Variants in CRELD2 observed in about 807,000 individuals in gnomAD.
The protein encoded by CRELD2 is protein disulfide isomerase CRELD2.
In CRELD2, 33 loss-of-function variants were observed where a neutral mutation model predicts 48.1. That is an observed-to-expected ratio of 0.69 (90% CI 0.52 to 0.92). The LOEUF (loss-of-function observed/expected upper bound fraction) is 0.92, where lower values mean the gene tolerates loss of function less well. Ranked by LOEUF, CRELD2 falls within the 40% of genes least tolerant of loss-of-function variation. The pLI is 0.00. For synonymous variants in CRELD2, 220 were observed against 203.9 expected (o/e 1.08, Z -0.67); for missense variants, 477 against 482.4 (o/e 0.99, Z 0.10).
At chr22:49,919,031 A>ACCGTGGGCCCGGGG (rs1452582088) in intron 1 of CRELD2, 133 bp downstream of exon 1, 30,873 of 853,158 alleles carry the variant, frequency 0.036, 1,280 homozygotes, top group African/African-American at 0.17. Flanking sequence ...TGGATTCGGG[A>ACCGTGGGCCCGGGG]TCCCCCTCAC....
At chr22:49,922,308 C>T in intron 5 of CRELD2, 1 of 1,231,616 alleles carries the variant, frequency 8.1e-7, no homozygotes, top group South Asian at 1.5e-5. Flanking sequence ...CAGGACCGGC[C>T]TCTCCGATTC....
intron 8 of CRELD2, 74 bp downstream of exon 8, chr22:49,924,529 T>G: frequency 1.8e-6 from 2 of 1,130,258 alleles, no homozygotes; most frequent in Non-Finnish European, 2.6e-6. Flanking sequence ...CCCCAGCAGG[T>G]ACTGCCAGGG....
chr22:49,922,591 A>G (rs1392465897), intron 5 of CRELD2, 21 bp from the exon 6 acceptor site: 1 of 1,521,446 alleles, frequency 6.6e-7, no homozygotes, highest in Non-Finnish European at 8.9e-7. Flanking sequence ...GTTTGTACCC[A>G]GGCCCGCCTT....
At chr22:49,924,829 C>T (rs576698398) in intron 8 of CRELD2, 38 of 175,298 alleles carry the variant, frequency 2.2e-4, no homozygotes, top group African/African-American at 8.3e-4. Context: ...GGATGGAACC[C>T]GGTGGAGAAA....
chr22:49,918,945 C>T, intron 1 of CRELD2, 47 bp downstream of exon 1: 1 of 1,337,312 alleles, frequency 7.5e-7, no homozygotes, highest in South Asian at 1.7e-5. Context: ...CCGGGGTCCC[C>T]CTCACCCTGC....
chr22:49,927,473 A>G lies in CRELD2; in HGVS notation c.*166A>G, dbSNP rs1057301500. 4 of 632,686 alleles carry G rather than the reference A, an allele frequency of 6.3e-6. No homozygotes were observed. In the African/African-American group the frequency reaches 7.4e-5, roughly 12 times the overall value. 39.2% of individuals were successfully genotyped at this position (632,686 alleles called of 1,614,324 possible). On this transcript the variant is annotated 3_prime_UTR_variant, in exon 10 of 10. Transcript: ENST00000328268. Reference sequence around the variant, plus strand: ...AGCTGCATTTCTTGGTTGTTCTTAAACAGACTTGTATATTTTGATACAGTT... The same window carrying G: ...AGCTGCATTTCTTGGTTGTTCTTAAGCAGACTTGTATATTTTGATACAGTT...
intron 9 of CRELD2, among the ~76,000 whole-genome samples, chr22:49,926,936 C>T (rs1225387006): frequency 9.3e-6 from 1 of 107,070 alleles, no homozygotes. Context: ...CTCCCCCACC[C>T]TCGGTCCCCT....
At chr22:49,919,355 G>A in intron 2 of CRELD2, 43 bp downstream of exon 2, 1 of 1,572,494 alleles carries the variant, frequency 6.4e-7, no homozygotes, top group Non-Finnish European at 8.7e-7. Context: ...GCCTGGCGCT[G>A]TCCTGGGAAG....
intron 4 of CRELD2, 30 bp from the exon 5 acceptor site, chr22:49,921,555 G>GCT (rs749016599): frequency 6.2e-7 from 1 of 1,603,976 alleles, no homozygotes; most frequent in African/African-American, 1.3e-5. Flanking sequence ...CACCAGGTGT[G>GCT]CTCTGAGCAT....
chr22:49,918,765 C>G lies in CRELD2; in HGVS notation c.-5C>G. On this transcript the variant is annotated 5_prime_UTR_variant, in exon 1 of 10. Transcript: ENST00000328268. The stretch of plus-strand genomic sequence containing the variant: ...CGGCTGCGTCTTCCCGCAGCGCTAC[C>G]CGCCATGCGCCTGCCGCGCCGGGCC... 1 of 1,140,678 alleles carries G rather than the reference C, an allele frequency of 8.8e-7. No individual in the cohort carries two copies. Among genetic ancestry groups the G allele is most frequent in the Non-Finnish European group, 1.1e-6 (1 of 884,250 alleles). The allele number at this position is 1,140,678 out of a possible 1,614,324, so 70.7% of individuals were successfully genotyped here. A position where few individuals can be genotyped will look rare whatever the true frequency, so the allele number is the denominator to read the frequency against.
chr22:49,924,720 C>T, intron 8 of CRELD2: 1 of 291,094 alleles, frequency 3.4e-6, no homozygotes, highest in Non-Finnish European at 6.6e-6. Flanking sequence ...TCCCCAGGTC[C>T]ACCGCCTCTG....
Position 49,924,390 on chromosome 22 carries a change from G to A in CRELD2, c.803G>A (p.Gly268Glu). ...GACTCCAGCTGTGTGGGCTGCACAG[G>A]GGAAGGCCCAGGAAACTGTAAAGAG... ...ECDSSCVGCT[G>E]EGPGNCKECI... is the part of the protein sequence containing the mutation. Residue 268 changes from glycine (G) to glutamate (E), a missense_variant, in exon 8 of 10, where the codon GGG becomes GAG. Physicochemically the swap from Gly to Glu is moderately conservative, Grantham distance 98. Transcript: ENST00000328268. 1 of 1,612,594 alleles carries A rather than the reference G, an allele frequency of 6.2e-7. No individual in the cohort carries two copies. The highest frequency in any genetic ancestry group is 8.5e-7 in the Non-Finnish European group (1 of 1,179,544).
At chr22:49,922,834 G>GCTCAC (rs2060710182) in intron 6 of CRELD2, 127 bp downstream of exon 6, 1 of 133,024 alleles carries the variant, frequency 7.5e-6, no homozygotes, top group African/African-American at 5.5e-5. Context: ...GTGTGGGGGC[G>GCTCAC]TGAGGTGGGG....
At position 49,922,648 on chromosome 22, in the gene CRELD2, C is replaced by A; in HGVS notation, c.629C>A (p.Thr210Asn). The change falls in exon 6 of 10, where the codon ACC becomes AAC. Residue 210 changes from threonine to asparagine, a missense_variant. By Grantham distance (65) the Thr-to-Asn change is moderately conservative (BLOSUM62 0). Transcript: ENST00000328268. ...DESCKTCSGLTNRDCGECEVG... is the reference protein window; with the variant it reads ...DESCKTCSGLNNRDCGECEVG... Reference sequence around the variant, plus strand: ...TCCTGCAAGACGTGCTCGGGCCTGACCAACAGAGACTGCGGCGAGTGTGAA... The same window carrying A: ...TCCTGCAAGACGTGCTCGGGCCTGAACAACAGAGACTGCGGCGAGTGTGAA... The A allele has an allele frequency of 6.4e-7, 1 of 1,570,846 alleles. No individual in the cohort carries two copies. Among genetic ancestry groups the A allele is most frequent in the East Asian group, 2.3e-5 (1 of 42,986 alleles).
rs370691392 is a variant in CRELD2 at position 49,925,483 on chromosome 22, C to T, written c.935C>T (p.Pro312Leu). 36 of 1,613,916 alleles carry T rather than the reference C, an allele frequency of 2.2e-5. No individual in the cohort carries two copies. The African/African-American group carries it at 3.9e-4, about 17-fold the overall frequency. Residue 312 changes from proline (P) to leucine (L), a missense_variant, in exon 9 of 10, where the codon CCA becomes CTA. Coordinates refer to ENST00000328268, the MANE Select transcript of CRELD2 (RefSeq NM_024324.5). ...VRKNENCYNT[P>L]GSYVCVCPDG... ...AAAAACGAAAACTGCTACAATACTC[C>T]AGGGAGCTACGTCTGTGTGTGTCCT...
At chr22:49,924,308 G>A (rs920029900) in intron 7 of CRELD2, 52 bp from the exon 8 acceptor site, 11 of 1,366,290 alleles carry the variant, frequency 8.1e-6, no homozygotes, top group African/African-American at 5.7e-5. Context: ...GGGGTCTGAC[G>A]GGCACTGGTG....
At chr22:49,920,016 AAGG>A (rs1569182999) in intron 3 of CRELD2, 137 bp from the exon 4 acceptor site, 2 of 773,968 alleles carry the variant, frequency 2.6e-6, no homozygotes, top group Non-Finnish European at 4.3e-6. Flanking sequence ...CCAGGAAATT[AAGG>A]AGAAGATTCT....
At chr22:49,922,900 T>TGGGGCGTGAGGTGTG (rs2060714409) in intron 6 of CRELD2, among the ~76,000 whole-genome samples, 193 bp downstream of exon 6, 1 of 43,852 alleles carries the variant, frequency 2.3e-5, no homozygotes, top group Non-Finnish European at 4.7e-5. Flanking sequence ...GAGCATGAGG[T>TGGGGCGTGAGGTGTG]GGGGCGTGAG....
Position 49,924,195 on chromosome 22 carries a change from T to C in CRELD2, c.773-165T>C, listed in dbSNP as rs1601847131. 8.9e-6 allele frequency: 5 copies of C among 561,848 alleles called. No homozygotes were observed. The East Asian group carries it at 1.5e-4, about 17-fold the overall frequency. The allele number at this position is 561,848 out of a possible 1,614,324, so 34.8% of individuals were successfully genotyped here. A position where few individuals can be genotyped will look rare whatever the true frequency, so the allele number is the denominator to read the frequency against. On this transcript the variant is annotated intron_variant, in intron 7 of 9. Transcript: ENST00000328268. ...CACCTGCTGCACAGCAGGACGCGAG[T>C]CTGTGCTTTTGCCGGGAGACAGAGA... is the stretch of plus-strand genomic sequence containing the variant.
Sources: gnomAD v4.1 joint callset for allele counts (sites outside exome capture counted in the v4.1 genomes callset) on GRCh38, gnomAD v4.1.1 for gene constraint, MANE v1.5 for transcripts, NCBI Gene and HGNC (gene_info 2026-07-23, HGNC 2026-07-21) for gene names.